The following HTRA3 variants were observed in gnomAD, a reference collection of about 807,000 sequenced individuals.
HTRA3 encodes serine protease HTRA3.
HTRA3 carries 41 observed loss-of-function variants against 43.2 expected under a neutral mutation model. That is an observed-to-expected ratio of 0.95 (90% confidence interval 0.74 to 1.23). The LOEUF is 1.23. Ranked by LOEUF, HTRA3 falls within the 50% of genes most tolerant of loss-of-function variation. The pLI is 0.00. For missense variants in HTRA3, 628 were observed against 647.1 expected (o/e 0.97, Z 0.32); for synonymous variants, 295 against 287.9 (o/e 1.02, Z -0.25).
intron 1 of HTRA3, among the ~76,000 whole-genome samples, chr4:8,280,076 T>C (rs1388353838): frequency 6.6e-6 from 1 of 152,048 alleles, no homozygotes; most frequent in African/African-American, 2.4e-5. Context: ...CAGAGCATCT[T>C]GGTAGGGAGA....
intron 6 of HTRA3, among the ~76,000 whole-genome samples, chr4:8,300,067 TG>T (rs1713583821): frequency 6.6e-6 from 1 of 152,224 alleles, no homozygotes; most frequent in African/African-American, 2.4e-5. Context: ...CTCAGACTCC[TG>T]ACTTCAGGTG....
intron 7 of HTRA3, among the ~76,000 whole-genome samples, chr4:8,303,231 TC>T (rs1713724628): frequency 6.6e-6 from 1 of 152,170 alleles, no homozygotes; most frequent in African/African-American, 2.4e-5. Context: ...GGCCTCCCTC[TC>T]CAGCCTTGAA....
At chr4:8,272,402 G>C (rs201566429) in intron 1 of HTRA3, among the ~76,000 whole-genome samples, 1 of 64,848 alleles carries the variant, frequency 1.5e-5, no homozygotes. Context: ...GGCCGTGAGC[G>C]TGGGGGGTCA....
intron 2 of HTRA3, among the ~76,000 whole-genome samples, chr4:8,283,717 A>G (rs1250586969): frequency 6.6e-6 from 1 of 152,202 alleles, no homozygotes; most frequent in Non-Finnish European, 1.5e-5. Context: ...CGGAGCCGGC[A>G]ATGAGCAGTC....
chr4:8,286,508 C>T lies in HTRA3; in HGVS notation c.486-53C>T. The T allele has an allele frequency of 2.0e-6, 3 of 1,482,506 alleles. No homozygotes were observed. The highest frequency in any genetic ancestry group is 2.3e-5 in the East Asian group (1 of 44,202). The allele number at this position is 1,482,506 out of a possible 1,614,324, so 91.8% of individuals were successfully genotyped here. ...ACCAGCCCCACCACTGCGCCTGACT[C>T]CCCCGCGTCCTAGCCCCACCCTAAA... On this transcript the variant is annotated intron_variant, in intron 2 of 8. Coordinates refer to ENST00000307358, the MANE Select transcript of HTRA3 (RefSeq NM_053044.5). This position sits in a 1 kb window ranked among gnomAD's most constrained non-coding sequence, Gnocchi z 4.9.
At chr4:8,289,101 C>G (rs1024392670) in intron 3 of HTRA3, among the ~76,000 whole-genome samples, 1 of 151,946 alleles carries the variant, frequency 6.6e-6, no homozygotes, top group African/African-American at 2.4e-5. Flanking sequence ...AGGCATGCAC[C>G]ACCATACCTG....
rs200028871 is a variant in HTRA3, at chr4:8,270,146, G to A, written c.178G>A (p.Glu60Lys). The change falls in exon 1 of 9, where the codon GAG becomes AAG. Residue 60 changes from glutamate to lysine, a missense_variant. Transcript: ENST00000307358. ...CCTGGTGTGCGCCGCCAGCGAGGGC[G>A]AGCCCTGTGGCGGCCCTCTGGACTC... ...CCLVCAASEG[E>K]PCGGPLDSPC... 5.9e-3 allele frequency: 9,106 copies of A among 1,542,926 alleles called. 49 individuals carry two copies. The highest frequency in any genetic ancestry group is 0.017 in the South Asian group (1,458 of 85,052).
intron 2 of HTRA3, among the ~76,000 whole-genome samples, chr4:8,285,412 A>G (rs1712916572): frequency 1.3e-5 from 2 of 152,094 alleles, no homozygotes; most frequent in Admixed American, 1.3e-4. Context: ...CTTTGCAGAG[A>G]CTGTCACCTC....
chr4:8,277,649 C>T (rs934268591), intron 1 of HTRA3, among the ~76,000 whole-genome samples: 4 of 152,192 alleles, frequency 2.6e-5, no homozygotes, highest in Non-Finnish European at 5.9e-5. Context: ...AGCCTGCACG[C>T]GCAGGAAGCA....
intron 1 of HTRA3, among the ~76,000 whole-genome samples, chr4:8,272,567 C>T (rs1471997964): frequency 1.3e-5 from 2 of 152,240 alleles, no homozygotes; most frequent in Admixed American, 6.5e-5. Flanking sequence ...ACGCCCCTTG[C>T]CTGATGGGCA....
rs905693484 is a variant in HTRA3, at chr4:8,297,753, C to A, written c.1051+3552C>A. 1.3e-5 allele frequency among the ~76,000 whole-genome samples: 2 copies of A among 152,092 alleles called. No homozygotes were observed. The highest frequency in any genetic ancestry group is 2.9e-5 in the Non-Finnish European group (2 of 67,992). ...GGATCCCACCCCCTGGATTTAGAAG[C>A]CACCTAGAGAGTGATCCCCCGGATT... On this transcript the variant is annotated intron_variant, in intron 6 of 8. Coordinates refer to ENST00000307358, the MANE Select transcript of HTRA3 (RefSeq NM_053044.5). This position sits in a 1 kb window ranked among gnomAD's most constrained non-coding sequence, Gnocchi z 5.8.
Position 8,302,494 on chromosome 4 carries a change from GC to G in HTRA3, c.1084del (p.Arg362GlyfsTer11). Reference sequence around the variant, plus strand: ...AGAAGCGCTTCATCGGCATACGGATGCGGACGATCACACCAAGGTGAGTGTC... The same window carrying G: ...AGAAGCGCTTCATCGGCATACGGATGGGACGATCACACCAAGGTGAGTGTC... ...WKKRFIGIRM[R>X]TITPSLVDEL... On this transcript the variant is annotated frameshift_variant, in exon 7 of 9. Coordinates refer to ENST00000307358, the MANE Select transcript of HTRA3 (RefSeq NM_053044.5). LOFTEE classifies it high-confidence loss of function. 1 of 1,614,138 alleles carries G rather than the reference GC, an allele frequency of 6.2e-7. No individual in the cohort carries two copies. The highest frequency in any genetic ancestry group is 1.3e-5 in the African/African-American group (1 of 75,032).
At chr4:8,301,579 T>C (rs1713658307) in intron 6 of HTRA3, among the ~76,000 whole-genome samples, 1 of 152,178 alleles carries the variant, frequency 6.6e-6, no homozygotes, top group South Asian at 2.1e-4. Context: ...TTCTGGTTAT[T>C]CTAGGTTTTA....
At chr4:8,270,946 A>G (rs936898356) in intron 1 of HTRA3, among the ~76,000 whole-genome samples, 1 of 151,990 alleles carries the variant, frequency 6.6e-6, no homozygotes, top group Non-Finnish European at 1.5e-5. Context: ...GTGCAGGTTG[A>G]CTCTGTACGT....
intron 1 of HTRA3, among the ~76,000 whole-genome samples, chr4:8,276,649 C>A (rs886412332): frequency 5.9e-5 from 9 of 152,246 alleles, no homozygotes; most frequent in African/African-American, 2.2e-4. Context: ...AAATCACAGG[C>A]AGGCTGGCGG....
chr4:8,285,171 G>A (rs1245762208), intron 2 of HTRA3, among the ~76,000 whole-genome samples: 1 of 152,144 alleles, frequency 6.6e-6, no homozygotes, highest in African/African-American at 2.4e-5. Context: ...GACACACTCT[G>A]ATGTCACCGT....
chr4:8,281,555 C>G (rs953698372), intron 1 of HTRA3, among the ~76,000 whole-genome samples: 5 of 152,258 alleles, frequency 3.3e-5, no homozygotes, highest in Non-Finnish European at 7.3e-5. Context: ...CCCAGCCGAA[C>G]CCCTGGTGTG....
intron 6 of HTRA3, among the ~76,000 whole-genome samples, chr4:8,298,640 T>G (rs1330466766): frequency 6.6e-6 from 1 of 152,202 alleles, no homozygotes; most frequent in Non-Finnish European, 1.5e-5. Context: ...AGGTTTCAGA[T>G]TTAGGACTGC....
chr4:8,291,570 T>A lies in HTRA3; in HGVS notation c.903+6T>A. On this transcript the variant is annotated splice_donor_region_variant and intron_variant, in intron 4 of 8. Transcript: ENST00000307358. ...AGACGGATGCCATCATCAACGTGAGTCCCAGGGACAGGAGGCCGGGGCACC... is the reference window on the plus strand; with the variant it reads ...AGACGGATGCCATCATCAACGTGAGACCCAGGGACAGGAGGCCGGGGCACC... 6.4e-7 allele frequency: 1 copy of A among 1,565,708 alleles called. No homozygotes were observed. Among genetic ancestry groups the A allele is most frequent in the Non-Finnish European group, 8.7e-7 (1 of 1,153,898 alleles).
Sources: allele counts gnomAD v4.1 joint callset (sites outside exome capture counted in the v4.1 genomes callset), GRCh38; gene constraint gnomAD v4.1.1; non-coding constraint Gnocchi (gnomAD v3.1); transcripts MANE v1.5; gene names NCBI Gene and HGNC (gene_info 2026-07-23, HGNC 2026-07-21).